Variants in ESRRG observed in about 807,000 individuals in gnomAD.
ESRRG encodes the protein estrogen related receptor gamma, also known as estrogen-related receptor gamma.
A neutral mutation model predicts 44.0 loss-of-function variants in ESRRG; 13 were observed. That is an observed-to-expected ratio of 0.30 (90% CI 0.19 to 0.47). The LOEUF (loss-of-function observed/expected upper bound fraction) is 0.47, where lower values mean the gene tolerates loss of function less well. Among genes scored for constraint, ESRRG ranks in the 20% least tolerant of loss-of-function variants. The pLI is 1.00. For synonymous variants in ESRRG, 215 were observed against 214.6 expected (o/e 1.00, Z -0.02); for missense variants, 395 against 580.6 (o/e 0.68, Z 3.29).
intron 1 of ESRRG, among the ~76,000 whole-genome samples, chr1:216,960,549 A>T (rs141616040): frequency 5.9e-4 from 89 of 151,792 alleles, no homozygotes; most frequent in Non-Finnish European, 9.1e-4. Context: ...TTGTTTTCTC[A>T]TTCAATACTA....
intron 1 of ESRRG, among the ~76,000 whole-genome samples, chr1:217,044,157 C>T (rs533418592): frequency 7.2e-5 from 11 of 152,164 alleles, no homozygotes; most frequent in Non-Finnish European, 1.2e-4. Flanking sequence ...GCTCAAGGCA[C>T]GTCTTCTTCC....
chr1:216,642,930 T>G (rs554039804), intron 3 of ESRRG, among the ~76,000 whole-genome samples: 3 of 152,278 alleles, frequency 2.0e-5, no homozygotes, highest in South Asian at 4.1e-4. Context: ...CTGCGTAGCT[T>G]TATATTTTTT....
chr1:216,637,379 T>C (rs2150820819), intron 3 of ESRRG, among the ~76,000 whole-genome samples: 1 of 152,336 alleles, frequency 6.6e-6, no homozygotes, highest in South Asian at 2.1e-4. Flanking sequence ...CCCTCCTGTT[T>C]TAGAATGCCT....
intron 1 of ESRRG, among the ~76,000 whole-genome samples, chr1:217,003,142 A>G (rs1167611357): frequency 1.3e-5 from 2 of 152,160 alleles, no homozygotes; most frequent in East Asian, 1.9e-4. Context: ...AGATAAAACT[A>G]CATCAGGAAG....
intron 2 of ESRRG, among the ~76,000 whole-genome samples, chr1:216,908,895 G>A (rs951328158): frequency 1.3e-5 from 2 of 151,448 alleles, no homozygotes; most frequent in East Asian, 3.9e-4. Flanking sequence ...TGGGTTTAGG[G>A]AACAATTTTT....
chr1:216,943,105 C>A (rs957063150), intron 1 of ESRRG, among the ~76,000 whole-genome samples: 2 of 152,064 alleles, frequency 1.3e-5, no homozygotes, highest in Non-Finnish European at 2.9e-5. Flanking sequence ...CTGGATTTTG[C>A]ATTGCAAGAT....
chr1:217,013,237 G>A (rs2078890099), intron 1 of ESRRG, among the ~76,000 whole-genome samples: 1 of 152,124 alleles, frequency 6.6e-6, no homozygotes, highest in South Asian at 2.1e-4. Flanking sequence ...ACTATAAGCA[G>A]CTCTCTTTAT....
chr1:216,628,650 C>T (rs755272700), intron 3 of ESRRG, among the ~76,000 whole-genome samples: 2 of 152,198 alleles, frequency 1.3e-5, no homozygotes, highest in Non-Finnish European at 2.9e-5. Flanking sequence ...TAGGCATACC[C>T]TACCCTGATG....
chr1:216,795,403 G>A (rs1387803476), intron 2 of ESRRG, among the ~76,000 whole-genome samples: 8 of 142,364 alleles, frequency 5.6e-5, no homozygotes, highest in Non-Finnish European at 9.0e-5. Context: ...GAGTGCAATG[G>A]CGTGATCCTG....
intron 1 of ESRRG, among the ~76,000 whole-genome samples, chr1:217,021,418 G>A (rs2789551): frequency 0.75 from 114,784 of 152,206 alleles, 44,163 homozygotes; most frequent in African/African-American, 0.9. Context: ...ATGGACTCTC[G>A]TTGAATAGGA....
intron 2 of ESRRG, among the ~76,000 whole-genome samples, chr1:216,779,175 A>T (rs1411686513): frequency 9.9e-6 from 1 of 101,378 alleles, no homozygotes; most frequent in East Asian, 2.6e-4. Flanking sequence ...ATATATATAT[A>T]ATTATATAAA....
rs71163785 is a variant in ESRRG at position 217,026,888 on chromosome 1, T to TACACAC, written c.-106+62613_-106+62618dup. Among the ~76,000 whole-genome samples, 258 of 105,344 alleles carry TACACAC rather than the reference T, an allele frequency of 2.4e-3. 4 individuals carry two copies. Among genetic ancestry groups the TACACAC allele is most frequent in the Admixed American group, 0.018 (158 of 8,718 alleles). 69.1% of individuals were successfully genotyped at this position (105,344 alleles called of 152,430 possible). A position where few individuals can be genotyped will look rare whatever the true frequency, so the allele number is the denominator to read the frequency against. ...GACCACACACATATACACACACACATACACACACACACACACACACACACA... is the reference window on the plus strand; with the variant it reads ...GACCACACACATATACACACACACATACACACACACACACACACACACACACACACA... On this transcript the variant is annotated intron_variant, in intron 1 of 7. Coordinates refer to the ESRRG transcript ENST00000359162.
chr1:216,953,756 A>G (rs2067407423), intron 1 of ESRRG, among the ~76,000 whole-genome samples: 1 of 152,166 alleles, frequency 6.6e-6, no homozygotes. Flanking sequence ...TCTACTTGCA[A>G]AGAGGAAGAA....
intron 5 of ESRRG, among the ~76,000 whole-genome samples, chr1:216,524,084 G>A (rs758596906): frequency 1.4e-4 from 22 of 152,000 alleles, no homozygotes; most frequent in Non-Finnish European, 2.6e-4. Flanking sequence ...TAGACACACA[G>A]ATGCATAACC....
chr1:216,974,867 T>C (rs2072527006), intron 1 of ESRRG, among the ~76,000 whole-genome samples: 1 of 151,772 alleles, frequency 6.6e-6, no homozygotes. Context: ...TTACACTTCC[T>C]TTTGTGCTTT....
chr1:217,135,595 C>T (rs572471469), intron 1 of ESRRG, among the ~76,000 whole-genome samples: 2 of 151,828 alleles, frequency 1.3e-5, no homozygotes, highest in South Asian at 2.1e-4. Flanking sequence ...CCAGCCTTTT[C>T]GCCCGCGCGC....
chr1:216,636,060 C>T (rs1248688176), intron 3 of ESRRG, among the ~76,000 whole-genome samples: 1 of 152,098 alleles, frequency 6.6e-6, no homozygotes, highest in Non-Finnish European at 1.5e-5. Flanking sequence ...TAGGATAGGC[C>T]ATTACTATTA....
intron 2 of ESRRG, among the ~76,000 whole-genome samples, chr1:216,804,577 G>A (rs923136579): frequency 2.0e-5 from 3 of 151,862 alleles, no homozygotes; most frequent in African/African-American, 7.3e-5. Context: ...TTTTTAAAAG[G>A]CTGTTGAAGA....
At chr1:216,718,911 T>C (rs533823712) in intron 1 of ESRRG, among the ~76,000 whole-genome samples, 2 of 152,136 alleles carry the variant, frequency 1.3e-5, no homozygotes, top group Non-Finnish European at 2.9e-5. Flanking sequence ...GGATAAGTGA[T>C]GCTAAAAAGT....
Sources: allele counts gnomAD v4.1 joint callset (sites outside exome capture counted in the v4.1 genomes callset), GRCh38; gene constraint gnomAD v4.1.1; transcripts MANE v1.5; gene names NCBI Gene and HGNC (gene_info 2026-07-23, HGNC 2026-07-21).